TRAF3IP1: variants seen among roughly 807,000 people sequenced by gnomAD.
TRAF3IP1 encodes the protein TRAF3-interacting protein 1.
A neutral mutation model predicts 89.9 loss-of-function variants in TRAF3IP1; 53 were observed. The ratio of observed to expected loss-of-function variants is 0.59; its 90% confidence interval spans 0.47 to 0.74. The LOEUF is 0.74. Ranked by LOEUF, TRAF3IP1 falls within the 30% of genes least tolerant of loss-of-function variation. The pLI is 0.00. For synonymous variants in TRAF3IP1, 311 were observed against 322.1 expected (o/e 0.97, Z 0.37); for missense variants, 806 against 866.1 (o/e 0.93, Z 0.87).
chr2:238,352,501 C>T (rs1364715296), intron 12 of TRAF3IP1, among the ~76,000 whole-genome samples: 1 of 151,954 alleles, frequency 6.6e-6, no homozygotes, highest in East Asian at 1.9e-4. Flanking sequence ...AGGCGGAGGC[C>T]CTGAGGGTCT....
chr2:238,329,754 G>T (rs1435224684), intron 5 of TRAF3IP1, among the ~76,000 whole-genome samples: 1 of 152,110 alleles, frequency 6.6e-6, no homozygotes, highest in African/African-American at 2.4e-5. Flanking sequence ...AATATTTGGT[G>T]GTGGAATGGA....
At chr2:238,390,311 A>G (rs1253205063) in intron 15 of TRAF3IP1, among the ~76,000 whole-genome samples, 3 of 152,222 alleles carry the variant, frequency 2.0e-5, no homozygotes, top group Non-Finnish European at 4.4e-5. Context: ...CAGGATCACC[A>G]ACCTTTCAGC....
intron 15 of TRAF3IP1, among the ~76,000 whole-genome samples, chr2:238,370,357 T>C (rs569934627): frequency 6.6e-6 from 1 of 152,300 alleles, no homozygotes; most frequent in Non-Finnish European, 1.5e-5. Context: ...TGTCTGAGTG[T>C]ATACATGTAT....
chr2:238,376,881 C>G (rs1163286928), intron 15 of TRAF3IP1, among the ~76,000 whole-genome samples: 1 of 152,206 alleles, frequency 6.6e-6, no homozygotes, highest in Non-Finnish European at 1.5e-5. Flanking sequence ...TGTGCAGGCT[C>G]TGTTCTAAGA....
chr2:238,351,866 T>TGTGTGTGTGTGTGTGCGC lies in TRAF3IP1; in HGVS notation c.1452-960_1452-959insTGTGTGTGTGTGTGCGCG, dbSNP rs1421537563. The stretch of plus-strand genomic sequence containing the variant: ...GTGTGTGTGTGTGTGTGTGTGTGTG[T>TGTGTGTGTGTGTGTGCGC]GCGCGCGCGCGCGTGTGCGTGCATG... On this transcript the variant is annotated intron_variant, in intron 12 of 16. Coordinates refer to ENST00000373327, the MANE Select transcript of TRAF3IP1 (RefSeq NM_015650.4). The surrounding 1 kb of genome is among the most constrained non-coding windows in gnomAD (Gnocchi z 5.2). Among the ~76,000 whole-genome samples, 13 of 128,190 alleles carry TGTGTGTGTGTGTGTGCGC rather than the reference T, an allele frequency of 1.0e-4. No homozygotes were observed. Among genetic ancestry groups the TGTGTGTGTGTGTGTGCGC allele is most frequent in the African/African-American group, 4.4e-4 (13 of 29,414 alleles). The allele number at this position is 128,190 out of a possible 152,430, so 84.1% of individuals were successfully genotyped here.
rs183289952 is a variant in TRAF3IP1 at position 238,323,183 on chromosome 2, A to G, written c.124-2123A>G. Among the ~76,000 whole-genome samples the G allele has an allele frequency of 5.1e-3, 782 of 151,918 alleles. 5 individuals carry two copies. The highest frequency in any genetic ancestry group is 6.6e-3 in the Non-Finnish European group (448 of 68,008). On this transcript the variant is annotated intron_variant, in intron 1 of 16. Transcript: ENST00000373327. ...AACTTACGCCTCCCAGGTTCAAGCA[A>G]TTCTCCTGTTTCAGCCTTCTGAGTA...
At chr2:238,338,278 G>A (rs1698478516) in intron 7 of TRAF3IP1, 84 bp from the exon 8 acceptor site, 1 of 808,638 alleles carries the variant, frequency 1.2e-6, no homozygotes, top group Non-Finnish European at 1.9e-6. Context: ...TTGGTGTAAT[G>A]TAACCCTTAT....
chr2:238,395,165 A>C (rs889244605), intron 15 of TRAF3IP1, among the ~76,000 whole-genome samples: 1 of 152,252 alleles, frequency 6.6e-6, no homozygotes, highest in African/African-American at 2.4e-5. Context: ...CAGGAGTTTG[A>C]GAGTAGCCTG....
intron 10 of TRAF3IP1, 96 bp downstream of exon 10, chr2:238,347,571 A>G (rs1698952294): frequency 8.0e-6 from 10 of 1,250,176 alleles, no homozygotes; most frequent in East Asian, 2.4e-5. Context: ...TATAAAGTGC[A>G]TTAGTGAAAG....
chr2:238,385,377 C>T (rs147332452), intron 15 of TRAF3IP1, among the ~76,000 whole-genome samples: 6 of 152,212 alleles, frequency 3.9e-5, no homozygotes, highest in Admixed American at 6.5e-5. Context: ...ATTCCTGAAC[C>T]GGATAAAATC....
chr2:238,344,319 G>A (rs1182203588), intron 8 of TRAF3IP1, among the ~76,000 whole-genome samples, 178 bp from the exon 9 acceptor site: 1 of 152,064 alleles, frequency 6.6e-6, no homozygotes, highest in East Asian at 1.9e-4. Flanking sequence ...CGCCCATGGG[G>A]GAGGAACATT....
chr2:238,398,925 CA>C lies in TRAF3IP1; in HGVS notation c.*10del, dbSNP rs761329018. On this transcript the variant is annotated 3_prime_UTR_variant, in exon 17 of 17. Transcript: ENST00000373327. ...ATTTGACTTCGAGAAGGTGAACACT[CA>C]AAAGTTTCAGAGATGAAAAGTCACC... The C allele has an allele frequency of 6.9e-5, 109 of 1,587,850 alleles. No homozygotes were observed. The highest frequency in any genetic ancestry group is 8.3e-5 in the Non-Finnish European group (97 of 1,172,060).
intron 15 of TRAF3IP1, among the ~76,000 whole-genome samples, chr2:238,389,777 A>ATAATAATAG (rs1491179129): frequency 1.4e-5 from 2 of 144,896 alleles, no homozygotes; most frequent in African/African-American, 4.9e-5. Flanking sequence ...AATAATAATA[A>ATAATAATAG]TAGTAATAAT....
intron 15 of TRAF3IP1, among the ~76,000 whole-genome samples, chr2:238,384,720 C>A (rs112722663): frequency 0.064 from 9,732 of 151,946 alleles, 1,078 homozygotes; most frequent in African/African-American, 0.22. Flanking sequence ...TCCTAAAACT[C>A]TATGGCTAGA....
rs1405365557 is a variant in TRAF3IP1, at chr2:238,345,806, G to C, written c.1261+1208G>C. 6.6e-6 allele frequency among the ~76,000 whole-genome samples: 1 copy of C among 152,088 alleles called. No individual in the cohort carries two copies. Among genetic ancestry groups the C allele is most frequent in the African/African-American group, 2.4e-5 (1 of 41,410 alleles). ...GATGGCAGGAGCCTGGGTGGGGACT[G>C]GGTCACCTAGGACGAGATTGTGAGT... On this transcript the variant is annotated intron_variant, in intron 9 of 16. Coordinates refer to ENST00000373327, the MANE Select transcript of TRAF3IP1 (RefSeq NM_015650.4). This position sits in a 1 kb window ranked among gnomAD's most constrained non-coding sequence, Gnocchi z 4.7.
intron 15 of TRAF3IP1, among the ~76,000 whole-genome samples, chr2:238,390,870 G>T (rs13422422): frequency 6.6e-6 from 1 of 151,980 alleles, no homozygotes; most frequent in African/African-American, 2.4e-5. Context: ...ACTGACTGCG[G>T]GTCCTGCTGC....
At chr2:238,377,230 CTTTT>C (rs71402784) in intron 15 of TRAF3IP1, among the ~76,000 whole-genome samples, 2 of 86,716 alleles carry the variant, frequency 2.3e-5, no homozygotes, top group African/African-American at 4.7e-5. Context: ...TCCTGATTTT[CTTTT>C]TTTTTTTTTT....
intron 15 of TRAF3IP1, among the ~76,000 whole-genome samples, chr2:238,394,513 A>T (rs1701128783): frequency 6.6e-6 from 1 of 152,102 alleles, no homozygotes; most frequent in South Asian, 2.1e-4. Context: ...GTTTTGTTAG[A>T]TTTACAACTA....
rs570094849 is a variant in TRAF3IP1 at position 238,320,537 on chromosome 2, G to C, written c.-126G>C. ...TCCGGTGCACTGTGGGATGGAAACCGGAGCGGCGCGTCCTGGCAGGACCGG... is the reference window on the plus strand; with the variant it reads ...TCCGGTGCACTGTGGGATGGAAACCCGAGCGGCGCGTCCTGGCAGGACCGG... On this transcript the variant is annotated 5_prime_UTR_variant, in exon 1 of 17. Coordinates refer to ENST00000373327, the MANE Select transcript of TRAF3IP1 (RefSeq NM_015650.4). 9.2e-5 allele frequency: 94 copies of C among 1,017,466 alleles called. No homozygotes were observed. In the East Asian group the frequency reaches 1.1e-3, roughly 12 times the overall value. 63.0% of individuals were successfully genotyped at this position (1,017,466 alleles called of 1,614,324 possible).
Sources: allele counts gnomAD v4.1 joint callset (sites outside exome capture counted in the v4.1 genomes callset), GRCh38; gene constraint gnomAD v4.1.1; non-coding constraint Gnocchi (gnomAD v3.1); transcripts MANE v1.5; gene names NCBI Gene and HGNC (gene_info 2026-07-23, HGNC 2026-07-21).